The following ATXN7L1 variants were observed in gnomAD, a reference collection of about 807,000 sequenced individuals.
ATXN7L1 encodes the protein ataxin-7-like protein 1.
In ATXN7L1, 15 loss-of-function variants were observed where a neutral mutation model predicts 70.8. That is an observed-to-expected ratio of 0.21 (90% CI 0.14 to 0.33). The LOEUF (loss-of-function observed/expected upper bound fraction) is 0.33, where lower values mean the gene tolerates loss of function less well. ATXN7L1 is among the 10% of genes least tolerant of loss of function. The pLI, the probability that ATXN7L1 is intolerant of heterozygous loss-of-function variation, is 1.00. For synonymous variants in ATXN7L1, 440 were observed against 445.1 expected (o/e 0.99, Z 0.14); for missense variants, 975 against 1,097.1 (o/e 0.89, Z 1.57).
At chr7:105,687,636 G>A (rs1486321813) in intron 3 of ATXN7L1, among the ~76,000 whole-genome samples, 2 of 152,136 alleles carry the variant, frequency 1.3e-5, no homozygotes, top group Non-Finnish European at 2.9e-5. Flanking sequence ...ACCCACCCAG[G>A]CTGTTTCATT....
intron 2 of ATXN7L1, among the ~76,000 whole-genome samples, chr7:105,791,098 T>C (rs1486240802): frequency 6.6e-6 from 1 of 152,220 alleles, no homozygotes; most frequent in East Asian, 1.9e-4. Flanking sequence ...AGGTTTATCA[T>C]AGGCAAGGGG....
intron 3 of ATXN7L1, among the ~76,000 whole-genome samples, chr7:105,713,180 G>C (rs1181851731): frequency 1.3e-5 from 2 of 152,146 alleles, no homozygotes; most frequent in Non-Finnish European, 2.9e-5. Context: ...GAATAGCAAG[G>C]GGGAAATTCA....
At chr7:105,863,847 T>G (rs940905682) in intron 2 of ATXN7L1, among the ~76,000 whole-genome samples, 6 of 152,190 alleles carry the variant, frequency 3.9e-5, no homozygotes, top group African/African-American at 9.7e-5. Context: ...CAGCTAGGAT[T>G]GTTACTTAAA....
rs896064578 is a variant in ATXN7L1, at chr7:105,810,632, A to C, written c.251-21924T>G. 1.2e-4 allele frequency among the ~76,000 whole-genome samples: 19 copies of C among 152,322 alleles called. 1 individual carries two copies. The highest frequency in any genetic ancestry group is 9.1e-4 in the Admixed American group (14 of 15,302). On this transcript the variant is annotated intron_variant, in intron 2 of 11. Coordinates refer to ENST00000419735, the MANE Select transcript of ATXN7L1 (RefSeq NM_020725.2). The stretch of plus-strand genomic sequence containing the variant: ...GAGGGAAGAGCTAGTGCAAAGGTCC[A>C]GAGAAGGGGAGAGCCTAGGACGTAT...
At chr7:105,792,928 C>T (rs1397688004) in intron 2 of ATXN7L1, among the ~76,000 whole-genome samples, 5 of 152,100 alleles carry the variant, frequency 3.3e-5, no homozygotes, top group Admixed American at 2.0e-4. Context: ...GATGTGATAA[C>T]GTTATCTTAG....
chr7:105,863,516 C>T (rs747575232), intron 2 of ATXN7L1, among the ~76,000 whole-genome samples: 37 of 152,366 alleles, frequency 2.4e-4, no homozygotes, highest in South Asian at 8.3e-4. Flanking sequence ...CAGAAGCCCA[C>T]GTGAGCCCCT....
In ATXN7L1 at chr7:105,745,159, A is replaced by ACATGTTG. The variant is rs572524934; in HGVS notation, c.355+43438_355+43444dup. Among the ~76,000 whole-genome samples, 15 of 152,302 alleles carry ACATGTTG rather than the reference A, an allele frequency of 9.8e-5. No individual in the cohort carries two copies. In the East Asian group the frequency reaches 2.9e-3, roughly 29 times the overall value. ...GAGAATATCTTTGTTTTTAGAAAAT[A>ACATGTTG]CATGTTGAAATATTAAGGGGTGAAG... On this transcript the variant is annotated intron_variant, in intron 3 of 11. Transcript: ENST00000419735.
chr7:105,614,628 A>C lies in ATXN7L1; in HGVS notation c.1706T>G (p.Val569Gly). The C allele has an allele frequency of 6.4e-7, 1 of 1,551,822 alleles. No individual in the cohort carries two copies. The highest frequency in any genetic ancestry group is 1.4e-5 in the African/African-American group (1 of 73,126). Residue 569 changes from valine (V) to glycine (G), a missense_variant, in exon 10 of 12, where the codon GTG (valine) becomes GGG (glycine). This residue lies in a region of ATXN7L1 where 635 missense variants were observed against 699.4 expected (regional missense o/e 0.91). Transcript: ENST00000419735. The surrounding 1 kb of genome is among the most constrained non-coding windows in gnomAD (Gnocchi z 4.3). ...GAGGGCGCTCGGGTCCGGCGATGTCACGAAAGCTGCGTTTGAGAGCATGGC... is the reference window on the plus strand; with the variant it reads ...GAGGGCGCTCGGGTCCGGCGATGTCCCGAAAGCTGCGTTTGAGAGCATGGC... ...TSAMLSNAAF[V>G]TSPDPSALMS...
In ATXN7L1 at chr7:105,781,568, T is replaced by A. The variant is rs548364941; in HGVS notation, c.355+7036A>T. Among the ~76,000 whole-genome samples the A allele has an allele frequency of 2.6e-5, 4 of 152,272 alleles. No individual in the cohort carries two copies. In the South Asian group the frequency reaches 8.3e-4, roughly 32 times the overall value. Reference sequence around the variant, plus strand: ...CTGACAAGACGAAGAGTCACAAACATCTCCTTTTCCACAGTAATCACAAGT... The same window carrying A: ...CTGACAAGACGAAGAGTCACAAACAACTCCTTTTCCACAGTAATCACAAGT... On this transcript the variant is annotated intron_variant, in intron 3 of 11. Transcript: ENST00000419735.
chr7:105,871,391 T>C (rs1818243100), intron 2 of ATXN7L1, among the ~76,000 whole-genome samples: 1 of 152,176 alleles, frequency 6.6e-6, no homozygotes, highest in East Asian at 1.9e-4. Flanking sequence ...TAGCAACGCC[T>C]TCTGAACCCA....
intron 4 of ATXN7L1, among the ~76,000 whole-genome samples, chr7:105,649,906 G>C (rs1799600999): frequency 6.6e-6 from 1 of 152,168 alleles, no homozygotes. Context: ...TGCTTATGCT[G>C]CTGGCCTGGC....
At chr7:105,764,667 C>T (rs532780213) in intron 3 of ATXN7L1, among the ~76,000 whole-genome samples, 1 of 152,274 alleles carries the variant, frequency 6.6e-6, no homozygotes, top group East Asian at 1.9e-4. Flanking sequence ...TCAAGGAGTT[C>T]ACAATACTCT....
chr7:105,616,795 T>C (rs1793957978), intron 9 of ATXN7L1, among the ~76,000 whole-genome samples: 1 of 152,146 alleles, frequency 6.6e-6, no homozygotes. Context: ...GCAGGGAACA[T>C]TTCTTAGAGG....
intron 3 of ATXN7L1, among the ~76,000 whole-genome samples, chr7:105,750,808 A>C (rs1006470080): frequency 1.3e-5 from 2 of 152,110 alleles, no homozygotes; most frequent in South Asian, 2.1e-4. Context: ...GTCTCGAAAA[A>C]AACAACAACA....
chr7:105,627,065 G>C (rs1441241952), intron 7 of ATXN7L1, among the ~76,000 whole-genome samples: 4 of 152,066 alleles, frequency 2.6e-5, no homozygotes, highest in Admixed American at 6.5e-5. Context: ...CAAATCTTCT[G>C]TTGATGAAGA....
At chr7:105,779,063 A>C (rs1803173220) in intron 3 of ATXN7L1, among the ~76,000 whole-genome samples, 1 of 152,220 alleles carries the variant, frequency 6.6e-6, no homozygotes, top group Non-Finnish European at 1.5e-5. Flanking sequence ...TCTGCATCAA[A>C]GTTTAGTTAT....
rs751947038 is a variant in ATXN7L1 at position 105,876,596 on chromosome 7, G to A, written c.-38C>T. ...CCGACATTGAGTGTTCTGAAAGGGGGAGGGAGGGAGGAAGGGCGGGATGGG... is the reference window on the plus strand; with the variant it reads ...CCGACATTGAGTGTTCTGAAAGGGGAAGGGAGGGAGGAAGGGCGGGATGGG... On this transcript the variant is annotated 5_prime_UTR_variant, in exon 1 of 12. Transcript: ENST00000419735. 1.5e-6 allele frequency: 2 copies of A among 1,361,732 alleles called. No individual in the cohort carries two copies. Among genetic ancestry groups the A allele is most frequent in the Admixed American group, 1.8e-5 (1 of 55,114 alleles). The allele number at this position is 1,361,732 out of a possible 1,614,324, so 84.4% of individuals were successfully genotyped here.
At chr7:105,723,637 A>G (rs764992610) in intron 3 of ATXN7L1, among the ~76,000 whole-genome samples, 15 of 152,184 alleles carry the variant, frequency 9.9e-5, no homozygotes, top group Non-Finnish European at 2.2e-4. Context: ...CTGTATGTGC[A>G]CTTTGTGTCA....
At chr7:105,814,199 G>A (rs1431824772) in intron 2 of ATXN7L1, among the ~76,000 whole-genome samples, 3 of 152,090 alleles carry the variant, frequency 2.0e-5, no homozygotes, top group East Asian at 1.9e-4. Context: ...TCTCTTACTC[G>A]GCCTCCAATT....
Sources: gnomAD v4.1 joint callset for allele counts (sites outside exome capture counted in the v4.1 genomes callset) on GRCh38, gnomAD v4.1.1 for gene constraint, gnomAD v4.1.1 regional missense constraint, Gnocchi (gnomAD v3.1) non-coding constraint, MANE v1.5 for transcripts, NCBI Gene and HGNC (gene_info 2026-07-23, HGNC 2026-07-21) for gene names.